Variants in ABCA9 observed in about 807,000 individuals in gnomAD.
The protein encoded by ABCA9 is ATP-binding cassette sub-family A member 9.
A neutral mutation model predicts 205.3 loss-of-function variants in ABCA9; 183 were observed. The ratio of observed to expected loss-of-function variants is 0.89; its 90% CI spans 0.79 to 1.01. The LOEUF (loss-of-function observed/expected upper bound fraction) is 1.01, where lower values mean the gene tolerates loss of function less well. Ranked by LOEUF, ABCA9 falls within the 50% of genes least tolerant of loss-of-function variation. The pLI, the probability that ABCA9 is intolerant of heterozygous loss-of-function variation, is 0.00. For missense variants in ABCA9, 1,805 were observed against 1,912.4 expected (o/e 0.94, Z 1.05); for synonymous variants, 651 against 683.3 (o/e 0.95, Z 0.74).
chr17:69,033,787 C>A lies in ABCA9; in HGVS notation c.1215G>T (p.Met405Ile), dbSNP rs769538648. The change falls in exon 9 of 39, where the codon ATG (methionine) becomes ATT (isoleucine). Residue 405 changes from methionine (M) to isoleucine (I), a missense_variant. Transcript: ENST00000340001. ...NPYLIIATLF[M>I]LVFDTLLYLV... ...AATACAGAAGGGTGTCAAAAACCAA[C>A]ATGAAAAGAGTAGCTATTATGAGGT... 1 of 1,611,840 alleles carries A rather than the reference C, an allele frequency of 6.2e-7. No individual in the cohort carries two copies. The highest frequency in any genetic ancestry group is 8.5e-7 in the Non-Finnish European group (1 of 1,178,550).
chr17:69,004,262 G>A (rs1000036002), intron 25 of ABCA9, among the ~76,000 whole-genome samples: 1 of 152,110 alleles, frequency 6.6e-6, no homozygotes, highest in African/African-American at 2.4e-5. Context: ...TCTACTTTTG[G>A]TCTTTGATGA....
chr17:69,003,364 C>T (rs1454637407), intron 25 of ABCA9, among the ~76,000 whole-genome samples: 1 of 148,948 alleles, frequency 6.7e-6, no homozygotes, highest in Non-Finnish European at 1.5e-5. Flanking sequence ...TTTTATTTCT[C>T]CTTCACTTAT....
In ABCA9 at chr17:69,007,777, C is replaced by T; in HGVS notation, c.3417G>A (p.Trp1139Ter). 1 of 1,597,774 alleles carries T rather than the reference C, an allele frequency of 6.3e-7. No individual in the cohort carries two copies. Among genetic ancestry groups the T allele is most frequent in the Non-Finnish European group, 8.6e-7 (1 of 1,166,054 alleles). ...TACTCACAATTAAGAAGAAAAATGA[C>T]CAAATGCCACTATTTTTTCTCCCAT... ...FRNGRKNSGI[W>*]SFFFLIVVIF... Residue 1139 changes from tryptophan (W) to a stop codon, truncating the protein, a stop_gained, in exon 25 of 39, where the codon TGG (tryptophan) becomes TGA (stop). Coordinates refer to ENST00000340001, the MANE Select transcript of ABCA9 (RefSeq NM_080283.4). LOFTEE classifies it high-confidence loss of function.
chr17:69,062,233 A>T (rs1243900288), upstream of ABCA9, among the ~76,000 whole-genome samples: 1 of 152,030 alleles, frequency 6.6e-6, no homozygotes, highest in East Asian at 1.9e-4. Context: ...AAATTATCAC[A>T]TTCAATACAT....
chr17:69,056,994 G>A (rs1004730387), intron 1 of ABCA9, among the ~76,000 whole-genome samples: 2 of 152,172 alleles, frequency 1.3e-5, no homozygotes, highest in African/African-American at 2.4e-5. Flanking sequence ...GACGGTATGG[G>A]CATAAAAATG....
At chr17:69,033,516 G>A in intron 9 of ABCA9, 1 of 375,318 alleles carries the variant, frequency 2.7e-6, no homozygotes, top group Non-Finnish European at 4.8e-6. Flanking sequence ...TCTCTCACAA[G>A]TGTCTCTTTT....
chr17:69,035,610 T>C, intron 7 of ABCA9, 50 bp downstream of exon 7: 1 of 1,594,818 alleles, frequency 6.3e-7, no homozygotes, highest in East Asian at 2.2e-5. Flanking sequence ...TTATTGGCAG[T>C]AGAGAGAGAG....
intron 38 of ABCA9, 51 bp downstream of exon 38, chr17:68,976,084 A>T (rs1391647696): frequency 5.0e-6 from 8 of 1,601,744 alleles, no homozygotes; most frequent in Non-Finnish European, 6.8e-6. Context: ...AGGCGAATGC[A>T]TTATACATGT....
At chr17:69,069,946 A>G in the ABCA9 span, among the ~76,000 whole-genome samples, 1 of 152,206 alleles carries the variant, frequency 6.6e-6, no homozygotes, top group Non-Finnish European at 1.5e-5. Flanking sequence ...AAACACAAGC[A>G]AAGATTTCAT....
chr17:69,028,543 G>T lies in ABCA9; in HGVS notation c.1607C>A (p.Pro536Gln). 1 of 1,594,370 alleles carries T rather than the reference G, an allele frequency of 6.3e-7. No homozygotes were observed. Among genetic ancestry groups the T allele is most frequent in the Non-Finnish European group, 8.6e-7 (1 of 1,167,066 alleles). Residue 536 changes from proline to glutamine, a missense_variant, in exon 12 of 39, where the codon CCA (proline) becomes CAA (glutamine). Coordinates refer to ENST00000340001, the MANE Select transcript of ABCA9 (RefSeq NM_080283.4). ...LLNILSGLSV[P>Q]TSGSVTVYNH... is the part of the protein sequence containing the mutation. ...GATAACTGTCTTCTTACCTGATGTT[G>T]GAACTGACAACCCACTAAGTATGTT...
At chr17:68,992,124 T>C in intron 28 of ABCA9, 51 bp downstream of exon 28, 1 of 1,331,818 alleles carries the variant, frequency 7.5e-7, no homozygotes, top group Non-Finnish European at 1.0e-6. Context: ...AAAAAGTCCT[T>C]AAAGAATGAA....
Position 69,043,473 on chromosome 17 carries a change from G to T in ABCA9, c.800+16C>A. 6.5e-7 allele frequency: 1 copy of T among 1,540,552 alleles called. No homozygotes were observed. The highest frequency in any genetic ancestry group is 8.8e-7 in the Non-Finnish European group (1 of 1,134,572). ...TTTGTTTATGCTGTATAATGGATTG[G>T]AGTCATATGATTTACCAGAATGCTG... On this transcript the variant is annotated intron_variant, in intron 6 of 38. Transcript: ENST00000340001.
In ABCA9 at chr17:68,985,107, C is replaced by A; in HGVS notation, c.4230G>T (p.Leu1410=). The A allele has an allele frequency of 1.2e-6, 2 of 1,614,228 alleles. No individual in the cohort carries two copies. The highest frequency in any genetic ancestry group is 1.6e-4 in the Middle Eastern group (1 of 6,062). The change falls in exon 33 of 39, where the codon CTG becomes CTT. Residue 1410 remains leucine, a synonymous_variant. Transcript: ENST00000340001. The stretch of plus-strand genomic sequence containing the variant: ...TCACGGGAGCCTTCAGCTGGTCCTG[C>A]AGCTTGAGCGCATCCACTAACCTGA... ...AITRLVDALK[L]QDQLKAPVKT...
chr17:68,986,210 C>T lies in ABCA9; in HGVS notation c.4162G>A (p.Ala1388Thr). Residue 1388 changes from alanine to threonine, a missense_variant, in exon 32 of 39, where the codon GCC becomes ACC. By Grantham distance (58) the Ala-to-Thr change is moderately conservative (BLOSUM62 0). Transcript: ENST00000340001. The part of the protein sequence containing the change: ...TVRQHLEVYA[A>T]VKGLRKGDAM... Reference sequence around the variant, plus strand: ...TCCCCTTTCCTGAGACCTTTCACGGCAGCGTACACCTCCAGGTGCTGCCTC... The same window carrying T: ...TCCCCTTTCCTGAGACCTTTCACGGTAGCGTACACCTCCAGGTGCTGCCTC... 1.9e-6 allele frequency: 3 copies of T among 1,613,558 alleles called. No homozygotes were observed. Among genetic ancestry groups the T allele is most frequent in the Non-Finnish European group, 2.5e-6 (3 of 1,179,694 alleles).
Position 69,024,313 on chromosome 17 carries a change from A to T in ABCA9, c.2182T>A (p.Ser728Thr). ...TCAGAGATGTGCTGCTTAACCAGTG[A>T]TGTTATACTCTCTGGATCACACCTT... Reference protein sequence around the residue: ...NERCDPESITSLVKQHISDAK... With the variant: ...NERCDPESITTLVKQHISDAK... The change falls in exon 17 of 39, where the codon TCA (serine) becomes ACA (threonine). Residue 728 changes from serine (S) to threonine (T), a missense_variant. Ser to Thr is a moderately conservative substitution (Grantham distance 58). Coordinates refer to ENST00000340001, the MANE Select transcript of ABCA9 (RefSeq NM_080283.4). 1.2e-6 allele frequency: 2 copies of T among 1,612,368 alleles called. No individual in the cohort carries two copies. The highest frequency in any genetic ancestry group is 1.7e-6 in the Non-Finnish European group (2 of 1,179,008).
At chr17:69,021,650 C>T in intron 18 of ABCA9, 92 bp downstream of exon 18, 2 of 825,860 alleles carry the variant, frequency 2.4e-6, no homozygotes, top group South Asian at 2.0e-5. Context: ...AGATAAAATA[C>T]TGCACACAAA....
At chr17:69,031,693 C>T (rs905562488) in intron 10 of ABCA9, among the ~76,000 whole-genome samples, 3 of 152,100 alleles carry the variant, frequency 2.0e-5, no homozygotes, top group Non-Finnish European at 4.4e-5. Context: ...TCTTTCTCCT[C>T]ATCTAATTAT....
chr17:69,050,343 A>AACACAC (rs58213498), intron 2 of ABCA9, among the ~76,000 whole-genome samples: 2 of 147,788 alleles, frequency 1.4e-5, no homozygotes, highest in African/African-American at 5.0e-5. Context: ...CACACACACG[A>AACACAC]ACACACACAC....
intron 17 of ABCA9, 86 bp from the exon 18 acceptor site, chr17:69,021,947 G>T: frequency 8.8e-7 from 1 of 1,139,278 alleles, no homozygotes; most frequent in African/African-American, 1.6e-5. Flanking sequence ...TTGGTAATAG[G>T]CCAAATGTAC....
Sources: gnomAD v4.1 joint callset for allele counts (sites outside exome capture counted in the v4.1 genomes callset) on GRCh38, gnomAD v4.1.1 for gene constraint, MANE v1.5 for transcripts, NCBI Gene and HGNC (gene_info 2026-07-23, HGNC 2026-07-21) for gene names.